Variants in WNK2 observed in about 807,000 individuals in gnomAD.
The protein encoded by WNK2 is serine/threonine-protein kinase WNK2.
In WNK2, 67 loss-of-function variants were observed where a neutral mutation model predicts 192.1. That is an observed-to-expected ratio of 0.35 (90% CI 0.29 to 0.43). WNK2 has a LOEUF of 0.43. Ranked by LOEUF, WNK2 falls within the 20% of genes least tolerant of loss-of-function variation. WNK2 has a pLI of 1.00. For synonymous variants in WNK2, 1,439 were observed against 1,393.9 expected, an observed-to-expected ratio of 1.03 and a Z score of -0.72; for missense variants, 2,698 against 3,089.7, an observed-to-expected ratio of 0.87 and a Z score of 3.01.
At chr9:93,265,899 G>T (rs1318169091) in intron 16 of WNK2, among the ~76,000 whole-genome samples, 1 of 152,142 alleles carries the variant, frequency 6.6e-6, no homozygotes, top group Non-Finnish European at 1.5e-5. Context: ...GTAAGCAATG[G>T]GGCTATCTTT....
intron 19 of WNK2, among the ~76,000 whole-genome samples, chr9:93,281,462 G>C (rs987109317): frequency 2.0e-5 from 3 of 152,240 alleles, no homozygotes; most frequent in Admixed American, 1.3e-4. Context: ...CTGCCAGAGA[G>C]AGAATCGGCA....
chr9:93,267,283 C>G (rs1845317587), intron 16 of WNK2: 1 of 158,092 alleles, frequency 6.3e-6, no homozygotes, highest in Admixed American at 6.2e-5. Flanking sequence ...TCCCGTCCCC[C>G]TGTTGCTTTC....
rs772017485 is a variant in WNK2, at chr9:93,317,704, C to T, written c.6628+73C>T. On this transcript the variant is annotated intron_variant, in intron 29 of 29. Coordinates refer to ENST00000427277, the MANE Select transcript of WNK2 (RefSeq NM_006648.4). Reference sequence around the variant, plus strand: ...GGTCAGTACAGAGGCCTGCTCCCAGCTCCAGTGTCCTGGGGGCCCTGGGCA... The same window carrying T: ...GGTCAGTACAGAGGCCTGCTCCCAGTTCCAGTGTCCTGGGGGCCCTGGGCA... 6 of 1,542,870 alleles carry T rather than the reference C, an allele frequency of 3.9e-6. No homozygotes were observed. The African/African-American group carries it at 5.4e-5, about 14-fold the overall frequency.
intron 15 of WNK2, 81 bp downstream of exon 15, chr9:93,263,815 G>A (rs1297469486): frequency 5.9e-6 from 3 of 504,734 alleles, no homozygotes; most frequent in South Asian, 3.9e-5. Flanking sequence ...CGTGGCGGGG[G>A]TGTGGTGGGG....
intron 2 of WNK2, among the ~76,000 whole-genome samples, chr9:93,197,130 G>A (rs1021801153): frequency 2.6e-5 from 4 of 152,258 alleles, no homozygotes; most frequent in Non-Finnish European, 5.9e-5. Context: ...AAAACCAACA[G>A]AGAAGTTGGA....
rs150896593 is a variant in WNK2, at chr9:93,274,305, G to C, written c.4033+5559G>C. On this transcript the variant is annotated intron_variant, in intron 19 of 29. Transcript: ENST00000427277. ...TGGCGGGTGGATCACGACGTCAGGA[G>C]ATCGAGACCATCCTGGCTAACACGG... Among the ~76,000 whole-genome samples, 1,491 of 152,234 alleles carry C rather than the reference G, an allele frequency of 9.8e-3. 9 individuals carry two copies. The highest frequency in any genetic ancestry group is 0.014 in the Middle Eastern group (4 of 294).
At chr9:93,297,126 G>T (rs1850713846) in intron 23 of WNK2, among the ~76,000 whole-genome samples, 1 of 126,178 alleles carries the variant, frequency 7.9e-6, no homozygotes, top group Non-Finnish European at 1.7e-5. Flanking sequence ...CCTCCCCTCG[G>T]CGTCCTCCCC....
intron 2 of WNK2, among the ~76,000 whole-genome samples, chr9:93,224,855 T>C (rs999719512): frequency 6.6e-6 from 1 of 152,148 alleles, no homozygotes; most frequent in Admixed American, 6.5e-5. Flanking sequence ...ACCGTGTGAG[T>C]CTGGCAGGAT....
In WNK2 at chr9:93,184,238, G is replaced by A. The variant is rs2130808319; in HGVS notation, c.-150G>A. Among the ~76,000 whole-genome samples, 1 of 150,760 alleles carries A rather than the reference G, an allele frequency of 6.6e-6. No homozygotes were observed. The highest frequency in any genetic ancestry group is 1.5e-5 in the Non-Finnish European group (1 of 67,538). ...CCCCGCAGTGGCCCGGCCCGAGAGA[G>A]CAGCGCGCAGGAGCTGGAGCGGCGC... On this transcript the variant is annotated 5_prime_UTR_variant, in exon 1 of 30. Transcript: ENST00000427277.
At chr9:93,317,847 T>A (rs1469919766) in intron 29 of WNK2, 81 of 1,526,180 alleles carry the variant, frequency 5.3e-5, no homozygotes, top group Non-Finnish European at 6.9e-5. Flanking sequence ...GCGGATCACG[T>A]AGCCTTCTGC....
At chr9:93,306,858 A>G (rs1239162847) in intron 27 of WNK2, 37 bp downstream of exon 27, 2 of 1,613,244 alleles carry the variant, frequency 1.2e-6, no homozygotes, top group Non-Finnish European at 1.7e-6. Flanking sequence ...GTCCTCTCTC[A>G]TCGCATGGGC....
intron 29 of WNK2, chr9:93,319,358 G>A: frequency 1.4e-6 from 2 of 1,383,666 alleles, no homozygotes; most frequent in Non-Finnish European, 1.9e-6. Context: ...CGGGTGCTGG[G>A]CTGGGCTGTC....
rs750536386 is a variant in WNK2, at chr9:93,292,603, G to A, written c.5138G>A (p.Gly1713Asp). 4 of 1,578,550 alleles carry A rather than the reference G, an allele frequency of 2.5e-6. No homozygotes were observed. Among genetic ancestry groups the A allele is most frequent in the Non-Finnish European group, 3.4e-6 (4 of 1,160,976 alleles). The change falls in exon 23 of 30, where the codon GGC (glycine) becomes GAC (aspartate). Residue 1713 changes from glycine to aspartate, a missense_variant. Gly to Asp is a moderately conservative substitution (Grantham distance 94). Coordinates refer to ENST00000427277, the MANE Select transcript of WNK2 (RefSeq NM_006648.4). ...PPPSDMGTVG[G>D]QASHPQTLGA... ...CCGAGTGACATGGGCACAGTGGGGG[G>A]CCAGGCTAGCCACCCCCAGACACTC...
rs1413753887 is a variant in WNK2 at position 93,211,232 on chromosome 9, ACTCACTCATTCACTCAC to A, written c.682-18463_682-18447del. On this transcript the variant is annotated intron_variant, in intron 2 of 29. Transcript: ENST00000427277. ...CATTCAATCACTCATCCACTCACTC[ACTCACTCATTCACTCAC>A]TCACTCATTCACTCATTCACTCACT... Among the ~76,000 whole-genome samples, 174 of 125,322 alleles carry A rather than the reference ACTCACTCATTCACTCAC, an allele frequency of 1.4e-3. 6 individuals carry two copies. Among genetic ancestry groups the A allele is most frequent in the Middle Eastern group, 0.011 (3 of 274 alleles). The allele number at this position is 125,322 out of a possible 152,430, so 82.2% of individuals were successfully genotyped here. A position where few individuals can be genotyped will look rare whatever the true frequency, so the allele number is the denominator to read the frequency against.
intron 2 of WNK2, among the ~76,000 whole-genome samples, chr9:93,212,153 C>A (rs143272102): frequency 3.2e-4 from 48 of 152,378 alleles, no homozygotes; most frequent in African/African-American, 1.2e-3. Context: ...AATTCATTCA[C>A]CTAATTTTAA....
intron 2 of WNK2, among the ~76,000 whole-genome samples, chr9:93,220,407 C>T (rs923166203): frequency 2.0e-5 from 3 of 152,152 alleles, no homozygotes; most frequent in Admixed American, 1.3e-4. Context: ...GTGCCAGCTG[C>T]GGTTCTGGGC....
chr9:93,213,505 C>T (rs978081377), intron 2 of WNK2, among the ~76,000 whole-genome samples: 1 of 152,096 alleles, frequency 6.6e-6, no homozygotes, highest in African/African-American at 2.4e-5. Context: ...AATTTTTAGT[C>T]TTGGCCGGGC....
intron 2 of WNK2, among the ~76,000 whole-genome samples, chr9:93,210,687 G>C (rs1175025642): frequency 6.6e-6 from 1 of 152,196 alleles, no homozygotes; most frequent in African/African-American, 2.4e-5. Context: ...GCCCTTCTAG[G>C]CCTCTGAGTA....
intron 4 of WNK2, among the ~76,000 whole-genome samples, chr9:93,233,701 CAAAAAAA>C (rs34665591): frequency 1.0e-5 from 1 of 100,320 alleles, no homozygotes; most frequent in Admixed American, 1.2e-4. Flanking sequence ...GATTCCGTCT[CAAAAAAA>C]AAAAAAAAAA....
Sources: gnomAD v4.1 joint callset for allele counts (sites outside exome capture counted in the v4.1 genomes callset) on GRCh38, gnomAD v4.1.1 for gene constraint, MANE v1.5 for transcripts, NCBI Gene and HGNC (gene_info 2026-07-23, HGNC 2026-07-21) for gene names.